Variants in CLMN observed in about 807,000 individuals in gnomAD.
The protein encoded by CLMN is calmin (calponin-like, transmembrane).
In CLMN, 57 loss-of-function variants were observed where a neutral mutation model predicts 92.7. The ratio of observed to expected loss-of-function variants is 0.61; its 90% CI spans 0.50 to 0.77. CLMN has a LOEUF of 0.77. CLMN is among the 30% of genes least tolerant of loss of function. The pLI is 0.00. For synonymous variants in CLMN, 466 were observed against 470.6 expected (o/e 0.99, Z 0.13); for missense variants, 1,158 against 1,237.5 (o/e 0.94, Z 0.96).
At chr14:95,275,154 G>A (rs543251922) in intron 1 of CLMN, among the ~76,000 whole-genome samples, 1 of 152,264 alleles carries the variant, frequency 6.6e-6, no homozygotes, top group South Asian at 2.1e-4. Context: ...GAAGACAGAT[G>A]TCAGAGGCAT....
chr14:95,198,038 CTTTCTTTTTTTTTTTTTTTTTT>C (rs1334578220), intron 9 of CLMN, among the ~76,000 whole-genome samples: 2 of 122,560 alleles, frequency 1.6e-5, no homozygotes. Context: ...ATCTTTTTTT[CTTTCTTTTTTTTTTTTTTTTTT>C]TTTTTTGAGA....
chr14:95,196,711 C>G lies in CLMN; in HGVS notation c.2512-17G>C, dbSNP rs755626677. ...TTCCTGGGACTGAAAGACAGAACAA[C>G]CAAATCCAAGTCAGTATGTCACGCT... On this transcript the variant is annotated splice_polypyrimidine_tract_variant and intron_variant, in intron 9 of 12. Transcript: ENST00000298912. The G allele has an allele frequency of 1.2e-6, 2 of 1,609,398 alleles. No individual in the cohort carries two copies. Among genetic ancestry groups the G allele is most frequent in the East Asian group, 4.5e-5 (2 of 44,852 alleles).
At chr14:95,288,292 C>T (rs559420480) in intron 1 of CLMN, among the ~76,000 whole-genome samples, 1 of 152,228 alleles carries the variant, frequency 6.6e-6, no homozygotes, top group Non-Finnish European at 1.5e-5. Flanking sequence ...ACTAAGGTGC[C>T]CTGGGAGGGC....
intron 1 of CLMN, among the ~76,000 whole-genome samples, chr14:95,231,793 A>G (rs1210782180): frequency 6.6e-6 from 1 of 152,188 alleles, no homozygotes; most frequent in Non-Finnish European, 1.5e-5. Flanking sequence ...AGCTATTCCA[A>G]TCATGGCAAA....
At chr14:95,230,206 G>T in intron 1 of CLMN, 73 bp from the exon 2 acceptor site, 1 of 1,394,874 alleles carries the variant, frequency 7.2e-7, no homozygotes, top group Non-Finnish European at 1.0e-6. Flanking sequence ...CCTTCCCAAG[G>T]GGAGATTCTA....
chr14:95,292,915 A>G (rs561844983), intron 1 of CLMN, among the ~76,000 whole-genome samples: 59 of 152,282 alleles, frequency 3.9e-4, no homozygotes, highest in African/African-American at 1.3e-3. Context: ...ACCGGCCACA[A>G]ACATGATCAT....
intron 1 of CLMN, among the ~76,000 whole-genome samples, chr14:95,312,153 C>T (rs993031602): frequency 3.3e-5 from 5 of 152,174 alleles, no homozygotes; most frequent in African/African-American, 9.7e-5. Context: ...CCCCACCCTA[C>T]ACTCCTGCAG....
At chr14:95,319,178 G>A (rs1020593823) in intron 1 of CLMN, among the ~76,000 whole-genome samples, 10 of 152,026 alleles carry the variant, frequency 6.6e-5, no homozygotes, top group African/African-American at 2.4e-4. Flanking sequence ...CGCTGGAGTT[G>A]GGTGCTTGCC....
chr14:95,242,802 C>T (rs549315447), intron 1 of CLMN, among the ~76,000 whole-genome samples: 3 of 140,910 alleles, frequency 2.1e-5, no homozygotes, highest in Non-Finnish European at 3.1e-5. Flanking sequence ...CTCCAGACCT[C>T]GTGATCCGCC....
At chr14:95,250,525 T>C (rs377190451) in intron 1 of CLMN, among the ~76,000 whole-genome samples, 1 of 152,300 alleles carries the variant, frequency 6.6e-6, no homozygotes, top group South Asian at 2.1e-4. Context: ...GGCAGACAAA[T>C]AACAGGCAAC....
intron 1 of CLMN, among the ~76,000 whole-genome samples, chr14:95,233,161 G>A (rs1337060162): frequency 6.6e-6 from 1 of 152,158 alleles, no homozygotes; most frequent in East Asian, 1.9e-4. Flanking sequence ...TCTCCATATG[G>A]CTTCAGAGAG....
In CLMN at chr14:95,203,214, G is replaced by A. The variant is rs769480023; in HGVS notation, c.2135C>T (p.Pro712Leu). The A allele has an allele frequency of 6.2e-7, 1 of 1,613,686 alleles. No individual in the cohort carries two copies. The highest frequency in any genetic ancestry group is 1.7e-5 in the Admixed American group (1 of 60,006). The change falls in exon 9 of 13, where the codon CCC becomes CTC. Residue 712 changes from proline to leucine, a missense_variant. Transcript: ENST00000298912. ...SHSEEGLDFK[P>L]SPPLSKVSVI... is the part of the protein sequence containing the mutation. ...GGAAACCTTTGAGAGGGGTGGGGAG[G>A]GCTTGAAATCCAGGCCTTCTTCGCT...
In CLMN at chr14:95,215,611, T is replaced by C. The variant is rs373065055; in HGVS notation, c.417+30A>G. On this transcript the variant is annotated intron_variant, in intron 5 of 12. Transcript: ENST00000298912. ...CTGCTCAGCAGACACAAGATCATGA[T>C]TGTGTGTTTTGGAAAAGAAATGATC... 2.7e-4 allele frequency: 428 copies of C among 1,574,564 alleles called. 4 individuals carry two copies. The South Asian group carries it at 3.7e-3, about 14-fold the overall frequency.
chr14:95,223,191 G>T (rs1159638438), intron 3 of CLMN, among the ~76,000 whole-genome samples: 1 of 152,198 alleles, frequency 6.6e-6, no homozygotes, highest in Admixed American at 6.5e-5. Context: ...CCCATAGCAA[G>T]AAACTATGTG....
Position 95,183,067 on chromosome 14 carries a change from TA to T in CLMN, c.*8496del, listed in dbSNP as rs1896365381. 1 of 152,230 alleles carries T rather than the reference TA, an allele frequency of 6.6e-6. No homozygotes were observed. The highest frequency in any genetic ancestry group is 1.5e-5 in the Non-Finnish European group (1 of 68,030). The allele number at this position is 152,230 out of a possible 1,614,324, so 9.4% of individuals were successfully genotyped here. On this transcript the variant is annotated 3_prime_UTR_variant, in exon 13 of 13. Transcript: ENST00000298912. ...TTGAGATAAATAAAAACTACCTTCG[TA>T]ACCTTTGGATTTTTAAACTTAGAAA... is the stretch of plus-strand genomic sequence containing the variant.
intron 1 of CLMN, among the ~76,000 whole-genome samples, chr14:95,306,846 T>A (rs1160428586): frequency 6.6e-6 from 1 of 152,152 alleles, no homozygotes; most frequent in Non-Finnish European, 1.5e-5. Flanking sequence ...GATTTGAGGT[T>A]AAAGGAGGTA....
chr14:95,239,844 T>C (rs1898184181), intron 1 of CLMN, among the ~76,000 whole-genome samples: 1 of 152,240 alleles, frequency 6.6e-6, no homozygotes, highest in Admixed American at 6.5e-5. Context: ...TCATGTGCCA[T>C]ATAATGACAT....
intron 8 of CLMN, among the ~76,000 whole-genome samples, chr14:95,205,531 A>G (rs899474364): frequency 1.3e-5 from 2 of 152,352 alleles, no homozygotes; most frequent in African/African-American, 4.8e-5. Flanking sequence ...TATATGGTCA[A>G]TAGAAAAGAC....
intron 1 of CLMN, among the ~76,000 whole-genome samples, chr14:95,253,609 GT>G (rs796784147): frequency 0.043 from 4,871 of 112,542 alleles, 287 homozygotes; most frequent in African/African-American, 0.18. Flanking sequence ...GTGTTTTTTT[GT>G]TTTTTTGTTT....
Sources: allele counts gnomAD v4.1 joint callset (sites outside exome capture counted in the v4.1 genomes callset), GRCh38; gene constraint gnomAD v4.1.1; transcripts MANE v1.5; gene names NCBI Gene and HGNC (gene_info 2026-07-23, HGNC 2026-07-21).